ATP10B: variants seen among roughly 807,000 people sequenced by gnomAD.
ATP10B encodes ATPase phospholipid transporting 10B (putative), also known as phospholipid-transporting ATPase VB.
In ATP10B, 122 loss-of-function variants were observed where a neutral mutation model predicts 141.2. The observed-to-expected ratio is 0.86, with a 90% confidence interval of 0.75 to 1.00. The LOEUF (loss-of-function observed/expected upper bound fraction) is 1.00. Ranked by LOEUF, ATP10B falls within the 50% of genes least tolerant of loss-of-function variation. The pLI, the probability that ATP10B is intolerant of heterozygous loss-of-function variation, is 0.00. For synonymous variants in ATP10B, 685 were observed against 692.0 expected, an observed-to-expected ratio of 0.99 and a Z score of 0.16; for missense variants, 1,876 against 1,825.3, an observed-to-expected ratio of 1.03 and a Z score of -0.51.
chr5:160,589,539 A>T (rs1345113224), intron 24 of ATP10B, 53 bp downstream of exon 24: 28 of 1,353,932 alleles, frequency 2.1e-5, no homozygotes, highest in African/African-American at 2.9e-5. Flanking sequence ...ATTTGAGTAT[A>T]GTCAATGGGC....
chr5:160,902,160 C>T, the ATP10B span, among the ~76,000 whole-genome samples: 1 of 152,064 alleles, frequency 6.6e-6, no homozygotes, highest in African/African-American at 2.4e-5. Context: ...AAATTCAAAA[C>T]CAAATGGTAG....
At chr5:160,864,629 G>C in the ATP10B span, among the ~76,000 whole-genome samples, 1 of 151,940 alleles carries the variant, frequency 6.6e-6, no homozygotes, top group Non-Finnish European at 1.5e-5. Context: ...AAAATAGGAA[G>C]TAAAACTGTT....
intron 6 of ATP10B, among the ~76,000 whole-genome samples, chr5:160,680,076 G>A (rs1763276228): frequency 6.6e-6 from 1 of 152,126 alleles, no homozygotes; most frequent in South Asian, 2.1e-4. Context: ...CTGTCAACAA[G>A]GCTTCTGCTG....
At position 160,615,862 on chromosome 5, in the gene ATP10B, G is replaced by A; in HGVS notation, c.2629C>T (p.Leu877=). ...CCAAGTAAGGTGAGTTGATTCTCCA[G>A]ATGCTGTGCAGTTTCCATGAGAAGC... ...DELLMETAQH[L]ENQLTLLGAT... Residue 877 remains leucine (L), a synonymous_variant, in exon 17 of 26, where the codon CTG becomes TTG. Coordinates refer to ENST00000327245, the MANE Select transcript of ATP10B (RefSeq NM_025153.3). 2 of 1,613,100 alleles carry A rather than the reference G, an allele frequency of 1.2e-6. No homozygotes were observed. Among genetic ancestry groups the A allele is most frequent in the African/African-American group, 2.7e-5 (2 of 75,036 alleles).
intron 1 of ATP10B, among the ~76,000 whole-genome samples, chr5:160,843,067 A>G (rs1304397928): frequency 4.6e-5 from 7 of 152,192 alleles, no homozygotes; most frequent in African/African-American, 1.7e-4. Flanking sequence ...CCTAAACCAA[A>G]TATTTCCAGA....
intron 7 of ATP10B, among the ~76,000 whole-genome samples, chr5:160,662,978 G>A (rs890279774): frequency 5.3e-5 from 8 of 152,142 alleles, no homozygotes; most frequent in African/African-American, 1.9e-4. Context: ...AGTGAGCGAA[G>A]GATATGAACA....
chr5:160,861,569 A>C, the ATP10B span, among the ~76,000 whole-genome samples: 1 of 152,080 alleles, frequency 6.6e-6, no homozygotes, highest in South Asian at 2.1e-4. Flanking sequence ...GAAAGGGATT[A>C]GTTTTGATAT....
intron 2 of ATP10B, among the ~76,000 whole-genome samples, chr5:160,722,666 C>G (rs1239421263): frequency 6.6e-6 from 1 of 152,136 alleles, no homozygotes. Context: ...GAGATCAGCC[C>G]AAATAAAGAA....
the ATP10B span, among the ~76,000 whole-genome samples, chr5:160,920,647 C>G: frequency 0.3 from 46,147 of 152,170 alleles, 7,302 homozygotes; most frequent in Non-Finnish European, 0.34. Context: ...TCACAATCAC[C>G]TGGTGAGCTT....
At chr5:160,717,264 C>T (rs1339380343) in intron 2 of ATP10B, among the ~76,000 whole-genome samples, 1 of 152,130 alleles carries the variant, frequency 6.6e-6, no homozygotes, top group East Asian at 1.9e-4. Context: ...CAATAAACTT[C>T]AACTATATCT....
intron 16 of ATP10B, among the ~76,000 whole-genome samples, chr5:160,617,204 C>A (rs1170182487): frequency 6.6e-6 from 1 of 152,230 alleles, no homozygotes; most frequent in African/African-American, 2.4e-5. Context: ...TTGGGTGACT[C>A]ATTCGGTGTC....
chr5:160,912,534 G>C, the ATP10B span, among the ~76,000 whole-genome samples: 1 of 151,886 alleles, frequency 6.6e-6, no homozygotes, highest in Non-Finnish European at 1.5e-5. Context: ...GGGAGGTGGA[G>C]GTTGCAGTGA....
chr5:160,620,609 C>T lies in ATP10B; in HGVS notation c.2154G>A (p.Glu718=), dbSNP rs1758274001. 1 of 1,613,804 alleles carries T rather than the reference C, an allele frequency of 6.2e-7. No individual in the cohort carries two copies. Among genetic ancestry groups the T allele is most frequent in the Non-Finnish European group, 8.5e-7 (1 of 1,179,734 alleles). ...TDLARPEFCY[E]AESPDEAALV... ...GGGCGGCCTCATCAGGGCTCTCAGC[C>T]TCGTAACAGAACTCAGGCCTGGCCA... The change falls in exon 15 of 26, where the codon GAG becomes GAA. Residue 718 remains glutamate, a synonymous_variant. Transcript: ENST00000327245.
In ATP10B at chr5:160,606,982, C is replaced by G. The variant is rs750264518; in HGVS notation, c.2943G>C (p.Lys981Asn). 3 of 1,614,128 alleles carry G rather than the reference C, an allele frequency of 1.9e-6. No individual in the cohort carries two copies. The highest frequency in any genetic ancestry group is 2.5e-6 in the Non-Finnish European group (3 of 1,180,008). Residue 981 changes from lysine (K) to asparagine (N), a missense_variant, in exon 19 of 26, where the codon AAG becomes AAC. Transcript: ENST00000327245. Reference sequence around the variant, plus strand: ...CAGCTTCTGAGGTGATGGATGGTGTCTTGGAAGGTAAGCGGAATCCAAAGA... The same window carrying G: ...CAGCTTCTGAGGTGATGGATGGTGTGTTGGAAGGTAAGCGGAATCCAAAGA... Reference protein sequence around the residue: ...RKLFGFRLPSKTPSITSEAVV... With the variant: ...RKLFGFRLPSNTPSITSEAVV...
intron 3 of ATP10B, among the ~76,000 whole-genome samples, chr5:160,699,652 T>C (rs1764565745): frequency 6.6e-6 from 1 of 152,112 alleles, no homozygotes; most frequent in African/African-American, 2.4e-5. Context: ...GAAAAACTGA[T>C]ATGATAGTGG....
chr5:160,816,906 T>C (rs899093961), intron 1 of ATP10B, among the ~76,000 whole-genome samples: 2 of 152,192 alleles, frequency 1.3e-5, no homozygotes, highest in Non-Finnish European at 2.9e-5. Context: ...AAAAACCATA[T>C]AATTATCTCA....
chr5:160,569,195 T>C (rs537448610), intron 25 of ATP10B, among the ~76,000 whole-genome samples: 46 of 152,298 alleles, frequency 3.0e-4, no homozygotes, highest in African/African-American at 1.1e-3. Flanking sequence ...AAATAATTCC[T>C]TACTACACAA....
intron 2 of ATP10B, among the ~76,000 whole-genome samples, chr5:160,765,573 C>G (rs1769338302): frequency 6.6e-6 from 1 of 152,090 alleles, no homozygotes; most frequent in African/African-American, 2.4e-5. Flanking sequence ...CAAGTTGGAT[C>G]AAATACTTAA....
the ATP10B span, among the ~76,000 whole-genome samples, chr5:160,900,908 G>GTTTTTTTTTT: frequency 1.1e-5 from 1 of 88,954 alleles, no homozygotes; most frequent in African/African-American, 4.2e-5. Context: ...GGGTAGAGAA[G>GTTTTTTTTTT]TTTTTTTTTT....
Sources: allele counts gnomAD v4.1 joint callset (sites outside exome capture counted in the v4.1 genomes callset), GRCh38; gene constraint gnomAD v4.1.1; transcripts MANE v1.5; gene names NCBI Gene and HGNC (gene_info 2026-07-23, HGNC 2026-07-21).